Variants in SPART observed in about 807,000 individuals in gnomAD.
The protein encoded by SPART is spartin, also known as spastic paraplegia 20 (Troyer syndrome).
Under a neutral mutation model 58.7 loss-of-function variants are expected in SPART, and 35 were observed. That is an observed-to-expected ratio of 0.60 (90% CI 0.46 to 0.79). The LOEUF (loss-of-function observed/expected upper bound fraction) is 0.79. SPART is among the 30% of genes least tolerant of loss of function. SPART has a pLI of 0.00. For synonymous variants in SPART, 284 were observed against 280.7 expected (o/e 1.01, Z -0.12); for missense variants, 730 against 786.1 (o/e 0.93, Z 0.85).
intron 8 of SPART, among the ~76,000 whole-genome samples, chr13:36,306,146 A>G (rs967942716): frequency 2.6e-5 from 4 of 152,128 alleles, no homozygotes; most frequent in African/African-American, 4.8e-5. Flanking sequence ...AGTCTGTACT[A>G]CTCTTAATTG....
At chr13:36,311,901 A>G in intron 8 of SPART, among the ~76,000 whole-genome samples, 1 of 151,812 alleles carries the variant, frequency 6.6e-6, no homozygotes, top group East Asian at 1.9e-4. Context: ...CAGCCTGGCT[A>G]ATGTGGTGAA....
chr13:36,336,397 G>A (rs1407980267), intron 1 of SPART: 2 of 152,496 alleles, frequency 1.3e-5, no homozygotes, highest in African/African-American at 2.4e-5. Flanking sequence ...ATTTTTCTTA[G>A]TGAGAAAAAT....
At chr13:36,319,323 CCA>C (rs1882104644) in intron 5 of SPART, among the ~76,000 whole-genome samples, 11 of 150,038 alleles carry the variant, frequency 7.3e-5, no homozygotes, top group Middle Eastern at 3.2e-3. Context: ...TTGTATCCCC[CCA>C]CCTTAACCCA....
intron 5 of SPART, among the ~76,000 whole-genome samples, chr13:36,321,332 G>A (rs550041187): frequency 6.0e-4 from 92 of 152,272 alleles, no homozygotes; most frequent in Non-Finnish European, 1.0e-3. Flanking sequence ...CTTAACTCTT[G>A]AAGTAAATAA....
At chr13:36,316,333 C>T (rs1390307683) in intron 5 of SPART, among the ~76,000 whole-genome samples, 1 of 152,218 alleles carries the variant, frequency 6.6e-6, no homozygotes, top group Non-Finnish European at 1.5e-5. Context: ...AGTGTCAGGC[C>T]TCTGAGCCCA....
chr13:36,354,851 C>CT (rs767835532), intron 1 of SPART, among the ~76,000 whole-genome samples: 3 of 152,140 alleles, frequency 2.0e-5, no homozygotes, highest in Non-Finnish European at 4.4e-5. Context: ...GGATTTACTT[C>CT]TTTAATCTTT....
chr13:36,341,858 A>G (rs1016372155), intron 1 of SPART, among the ~76,000 whole-genome samples: 2 of 152,178 alleles, frequency 1.3e-5, no homozygotes, highest in Non-Finnish European at 2.9e-5. Context: ...GCTCTACCCC[A>G]CAACCCCTAT....
At chr13:36,347,949 T>C (rs891281358), upstream of SPART, among the ~76,000 whole-genome samples, 2 of 152,204 alleles carry the variant, frequency 1.3e-5, no homozygotes, top group African/African-American at 4.8e-5. Context: ...GAACTCATAT[T>C]TCCGTTCCAT....
At chr13:36,311,337 T>A in intron 8 of SPART, among the ~76,000 whole-genome samples, 1 of 152,188 alleles carries the variant, frequency 6.6e-6, no homozygotes, top group African/African-American at 2.4e-5. Flanking sequence ...TTTGTGCAAA[T>A]CATTCATTTC....
chr13:36,315,331 C>T (rs886985947), intron 5 of SPART, among the ~76,000 whole-genome samples: 1 of 152,200 alleles, frequency 6.6e-6, no homozygotes, highest in African/African-American at 2.4e-5. Flanking sequence ...TTACCCTACT[C>T]TGCAGAGACT....
chr13:36,334,134 A>T (rs1051474561), intron 2 of SPART, among the ~76,000 whole-genome samples: 13 of 152,184 alleles, frequency 8.5e-5, no homozygotes, highest in Non-Finnish European at 1.3e-4. Flanking sequence ...TCTTTCTTCA[A>T]TGCAAACTCC....
intron 5 of SPART, among the ~76,000 whole-genome samples, chr13:36,323,828 G>A (rs1197150358): frequency 1.3e-5 from 2 of 152,178 alleles, no homozygotes; most frequent in Admixed American, 6.5e-5. Context: ...CCCCAGCCCT[G>A]AAGGTATAGA....
At chr13:36,319,778 C>T (rs1296649857) in intron 5 of SPART, among the ~76,000 whole-genome samples, 2 of 143,974 alleles carry the variant, frequency 1.4e-5, no homozygotes, top group Admixed American at 1.4e-4. Context: ...ACCCATCAAG[C>T]TCAGCAAATT....
chr13:36,329,606 T>TTCAA, intron 3 of SPART, 89 bp from the exon 4 acceptor site: 1 of 1,355,308 alleles, frequency 7.4e-7, no homozygotes, highest in Non-Finnish European at 1.0e-6. Context: ...TCAAATGACA[T>TTCAA]ACTTGTTTGA....
At chr13:36,329,281 G>T in intron 4 of SPART, 81 bp downstream of exon 4, 2 of 1,506,678 alleles carry the variant, frequency 1.3e-6, no homozygotes, top group Non-Finnish European at 1.8e-6. Context: ...TAGTATATGG[G>T]AATATGATCA....
chr13:36,361,057 C>T (rs796867104), intron 1 of SPART, among the ~76,000 whole-genome samples: 2 of 152,114 alleles, frequency 1.3e-5, no homozygotes, highest in South Asian at 2.1e-4. Flanking sequence ...CATGGTGTAA[C>T]GATATTGCAC....
intron 1 of SPART, among the ~76,000 whole-genome samples, chr13:36,336,941 T>C (rs1306651154): frequency 6.6e-6 from 1 of 152,108 alleles, no homozygotes; most frequent in Non-Finnish European, 1.5e-5. Flanking sequence ...CATGAATGAA[T>C]TAAATGGGAA....
At chr13:36,310,274 T>G (rs1880958479) in intron 8 of SPART, among the ~76,000 whole-genome samples, 1 of 152,172 alleles carries the variant, frequency 6.6e-6, no homozygotes. Flanking sequence ...CTATCAATAT[T>G]GCTCTTCTTT....
intron 5 of SPART, among the ~76,000 whole-genome samples, chr13:36,323,435 A>T (rs1251160941): frequency 5.9e-5 from 9 of 152,040 alleles, no homozygotes; most frequent in African/African-American, 1.7e-4. Flanking sequence ...TCAAGCCTAT[A>T]CAGGTAAACT....
Sources: allele counts gnomAD v4.1 joint callset (sites outside exome capture counted in the v4.1 genomes callset), GRCh38; gene constraint gnomAD v4.1.1; transcripts MANE v1.5; gene names NCBI Gene and HGNC (gene_info 2026-07-23, HGNC 2026-07-21).